The following NRG1 variants were observed in gnomAD, a reference collection of about 807,000 sequenced individuals.
NRG1 encodes neuregulin 1, also known as pro-neuregulin-1, membrane-bound isoform.
In NRG1, 18 loss-of-function variants were observed where a neutral mutation model predicts 63.8. The observed-to-expected ratio is 0.28, with a 90% confidence interval of 0.19 to 0.42. NRG1 has a LOEUF of 0.42. NRG1 is among the 10% of genes least tolerant of loss of function. The probability of loss-of-function intolerance (pLI) is 1.00; values close to 1 mark genes in which losing one functional copy is unlikely to be tolerated. For synonymous variants in NRG1, 302 were observed against 301.3 expected, an observed-to-expected ratio of 1.00 and a Z score of -0.02; for missense variants, 762 against 814.7, an observed-to-expected ratio of 0.94 and a Z score of 0.79.
chr8:31,749,844 A>C (rs1259926973), intron 1 of NRG1, among the ~76,000 whole-genome samples: 5 of 151,392 alleles, frequency 3.3e-5, no homozygotes, highest in African/African-American at 7.3e-5. Context: ...ACTCTTTTGC[A>C]AGCAATATTT....
chr8:32,079,516 C>T (rs1167540946), intron 1 of NRG1, among the ~76,000 whole-genome samples: 2 of 152,168 alleles, frequency 1.3e-5, no homozygotes, highest in Non-Finnish European at 2.9e-5. Flanking sequence ...GACACGAATT[C>T]AAGTTTCTCT....
chr8:32,262,176 C>G (rs1850451870), intron 1 of NRG1, among the ~76,000 whole-genome samples: 1 of 152,088 alleles, frequency 6.6e-6, no homozygotes, highest in Non-Finnish European at 1.5e-5. Flanking sequence ...TCAGGGTAAC[C>G]CTGAAAACTT....
chr8:32,487,086 G>A (rs1825993822), intron 1 of NRG1, among the ~76,000 whole-genome samples: 5 of 150,866 alleles, frequency 3.3e-5, no homozygotes, highest in Admixed American at 2.0e-4. Flanking sequence ...GTACATTTTT[G>A]TCAAATGAAC....
intron 1 of NRG1, among the ~76,000 whole-genome samples, chr8:31,847,592 T>G (rs1431683655): frequency 6.6e-6 from 1 of 152,240 alleles, no homozygotes; most frequent in African/African-American, 2.4e-5. Context: ...TCTTTGCTCA[T>G]GTCACTACCT....
At chr8:32,345,406 CCT>C (rs1177372978) in intron 1 of NRG1, among the ~76,000 whole-genome samples, 3 of 152,232 alleles carry the variant, frequency 2.0e-5, no homozygotes, top group East Asian at 3.9e-4. Flanking sequence ...GCCTGTAAAT[CCT>C]CTGTTTCAGT....
chr8:32,395,191 A>AT (rs1352023441), intron 1 of NRG1, among the ~76,000 whole-genome samples: 2 of 152,146 alleles, frequency 1.3e-5, no homozygotes, highest in Non-Finnish European at 2.9e-5. Flanking sequence ...TAATGCAGGG[A>AT]TTTTTATTAT....
chr8:32,625,233 GT>G (rs5890670), intron 5 of NRG1, among the ~76,000 whole-genome samples: 16,827 of 152,162 alleles, frequency 0.11, 946 homozygotes, highest in African/African-American at 0.14. Flanking sequence ...CATCAAAAGT[GT>G]TGGAATGCCA....
chr8:31,926,640 T>C lies in NRG1; in HGVS notation c.37+287209T>C, dbSNP rs1258279888. On this transcript the variant is annotated intron_variant, in intron 1 of 10. Transcript: ENST00000519301. ...TGAAACATTTTGATAAAAATTGTTCTCTCAGGCCCTTTTCAGCTCCAATAT... is the reference window on the plus strand; with the variant it reads ...TGAAACATTTTGATAAAAATTGTTCCCTCAGGCCCTTTTCAGCTCCAATAT... Among the ~76,000 whole-genome samples, 4 of 152,162 alleles carry C rather than the reference T, an allele frequency of 2.6e-5. No homozygotes were observed. The East Asian group carries it at 7.7e-4, about 29-fold the overall frequency.
chr8:31,671,362 T>TC (rs1465745594), intron 1 of NRG1, among the ~76,000 whole-genome samples: 1 of 152,174 alleles, frequency 6.6e-6, no homozygotes, highest in African/African-American at 2.4e-5. Context: ...TTTTTGTTTG[T>TC]TTTTAAAGTA....
chr8:31,808,905 A>C (rs1002026272), intron 1 of NRG1, among the ~76,000 whole-genome samples: 1 of 151,896 alleles, frequency 6.6e-6, no homozygotes, highest in Non-Finnish European at 1.5e-5. Context: ...TTTCTTGGGT[A>C]ATTTTTTGTT....
intron 1 of NRG1, among the ~76,000 whole-genome samples, chr8:32,278,643 T>C (rs1852366956): frequency 6.6e-6 from 1 of 152,240 alleles, no homozygotes; most frequent in African/African-American, 2.4e-5. Flanking sequence ...AAGAGTCCTA[T>C]GTATGGACAC....
chr8:32,279,755 G>C (rs11787395), intron 1 of NRG1, among the ~76,000 whole-genome samples: 14,393 of 152,288 alleles, frequency 0.095, 913 homozygotes, highest in Non-Finnish European at 0.14. Context: ...GATCTTTCTA[G>C]GTGATATTCT....
chr8:32,359,881 A>G (rs1380732176), intron 1 of NRG1, among the ~76,000 whole-genome samples: 1 of 152,174 alleles, frequency 6.6e-6, no homozygotes, highest in East Asian at 1.9e-4. Context: ...AGGGCCAGAG[A>G]TTGTATGATG....
intron 5 of NRG1, chr8:32,646,753 C>T: frequency 1.0e-6 from 1 of 985,314 alleles, no homozygotes. Context: ...TGCCTGCCTG[C>T]CTCTCTTTGA....
At chr8:31,944,674 C>T (rs1802266617) in intron 1 of NRG1, among the ~76,000 whole-genome samples, 2 of 152,026 alleles carry the variant, frequency 1.3e-5, no homozygotes, top group Non-Finnish European at 2.9e-5. Context: ...TGTAAACATA[C>T]ACCTGATACA....
chr8:31,717,514 C>A (rs1247630655), intron 1 of NRG1, among the ~76,000 whole-genome samples: 1 of 151,678 alleles, frequency 6.6e-6, no homozygotes, highest in Non-Finnish European at 1.5e-5. Context: ...AGGAAGGGCA[C>A]TGAAGATTAC....
At chr8:31,753,440 G>T (rs755276396) in intron 1 of NRG1, among the ~76,000 whole-genome samples, 57 of 151,984 alleles carry the variant, frequency 3.8e-4, no homozygotes, top group Non-Finnish European at 6.9e-4. Flanking sequence ...TTAGATTTTG[G>T]AAGGTTACAC....
At chr8:31,790,435 T>C (rs1217051262) in intron 1 of NRG1, among the ~76,000 whole-genome samples, 1 of 152,178 alleles carries the variant, frequency 6.6e-6, no homozygotes, top group African/African-American at 2.4e-5. Flanking sequence ...ATAATAATAA[T>C]CTTGGTGCTG....
intron 1 of NRG1, among the ~76,000 whole-genome samples, chr8:31,694,243 T>G (rs1236752138): frequency 6.6e-6 from 1 of 152,200 alleles, no homozygotes; most frequent in Non-Finnish European, 1.5e-5. Flanking sequence ...CTCTCTCTCT[T>G]GAAGTCTCTC....
Sources: gnomAD v4.1 joint callset for allele counts (sites outside exome capture counted in the v4.1 genomes callset) on GRCh38, gnomAD v4.1.1 for gene constraint, MANE v1.5 for transcripts, NCBI Gene and HGNC (gene_info 2026-07-23, HGNC 2026-07-21) for gene names.